The following CDIN1 variants were observed in gnomAD, a reference collection of about 807,000 sequenced individuals.
CDIN1 encodes CDAN1-interacting nuclease 1.
A neutral mutation model predicts 45.3 loss-of-function variants in CDIN1; 33 were observed. That is an observed-to-expected ratio of 0.73 (90% CI 0.55 to 0.97). The LOEUF (loss-of-function observed/expected upper bound fraction) is 0.97, where lower values mean the gene tolerates loss of function less well. CDIN1 is among the 50% of genes least tolerant of loss of function. CDIN1 has a pLI of 0.00. For missense variants in CDIN1, 303 were observed against 339.4 expected, an observed-to-expected ratio of 0.89 and a Z score of 0.84; for synonymous variants, 118 against 124.4, an observed-to-expected ratio of 0.95 and a Z score of 0.34.
Position 36,772,506 on chromosome 15 carries a change from G to T in CDIN1, c.717-35818G>T, listed in dbSNP as rs115260413. On this transcript the variant is annotated intron_variant, in intron 10 of 10. Transcript: ENST00000566621. ...ATTAAATTCCCAAAGGACCTCCTCT[G>T]GTCTTGGGTAATAGCCCAGCCTCAG... Among the ~76,000 whole-genome samples the T allele has an allele frequency of 1.4e-3, 215 of 152,282 alleles. 1 individual carries two copies. The highest frequency in any genetic ancestry group is 4.6e-3 in the African/African-American group (191 of 41,560).
At chr15:36,665,535 C>T (rs1215435548) in intron 5 of CDIN1, among the ~76,000 whole-genome samples, 2 of 152,142 alleles carry the variant, frequency 1.3e-5, no homozygotes, top group African/African-American at 2.4e-5. Flanking sequence ...GCAAACTGAT[C>T]AGTGAACAGG....
chr15:36,643,789 A>G (rs1019726829), intron 1 of CDIN1, among the ~76,000 whole-genome samples: 1 of 152,180 alleles, frequency 6.6e-6, no homozygotes, highest in Non-Finnish European at 1.5e-5. Context: ...TCCAGTGACC[A>G]CTGTGCTACT....
chr15:36,580,842 T>C (rs1223489632), intron 1 of CDIN1, among the ~76,000 whole-genome samples: 1 of 152,250 alleles, frequency 6.6e-6, no homozygotes, highest in Non-Finnish European at 1.5e-5. Flanking sequence ...AGCATGGTTA[T>C]TCCTAATGGA....
At chr15:36,599,336 T>C (rs112005727) in intron 1 of CDIN1, among the ~76,000 whole-genome samples, 1 of 152,352 alleles carries the variant, frequency 6.6e-6, no homozygotes, top group African/African-American at 2.4e-5. Flanking sequence ...CCATTTGTTA[T>C]ATTTTAGTAT....
chr15:36,749,644 T>A (rs2053405209), intron 10 of CDIN1, among the ~76,000 whole-genome samples: 1 of 152,256 alleles, frequency 6.6e-6, no homozygotes, highest in South Asian at 2.1e-4. Context: ...GCATCAGTAA[T>A]TGAACAGTGG....
chr15:36,701,268 TA>T (rs1479324439), intron 8 of CDIN1, among the ~76,000 whole-genome samples: 3 of 152,242 alleles, frequency 2.0e-5, no homozygotes, highest in African/African-American at 7.2e-5. Flanking sequence ...AATTGAACCA[TA>T]AGCATTGTGA....
At chr15:36,737,333 C>G (rs2044066795) in intron 10 of CDIN1, among the ~76,000 whole-genome samples, 1 of 152,026 alleles carries the variant, frequency 6.6e-6, no homozygotes, top group South Asian at 2.1e-4. Flanking sequence ...CTATAGGTAA[C>G]AAATATTGCA....
At chr15:36,670,883 T>G (rs897988588) in intron 5 of CDIN1, among the ~76,000 whole-genome samples, 4 of 152,134 alleles carry the variant, frequency 2.6e-5, no homozygotes. Context: ...TTTAGACTTT[T>G]AGCATTTTTA....
chr15:36,807,177 T>G (rs2055256296), intron 10 of CDIN1, among the ~76,000 whole-genome samples: 1 of 152,214 alleles, frequency 6.6e-6, no homozygotes, highest in Admixed American at 6.5e-5. Flanking sequence ...AACTTGTCCC[T>G]GTGCATACAG....
At chr15:36,583,841 C>T (rs1179773599) in intron 1 of CDIN1, among the ~76,000 whole-genome samples, 1 of 152,014 alleles carries the variant, frequency 6.6e-6, no homozygotes, top group African/African-American at 2.4e-5. Context: ...ACAGTGAAAC[C>T]CCGTCTCTAC....
chr15:36,629,209 A>G (rs77307123), intron 1 of CDIN1, among the ~76,000 whole-genome samples: 3 of 152,300 alleles, frequency 2.0e-5, no homozygotes, highest in South Asian at 4.1e-4. Flanking sequence ...GTAATTTGTT[A>G]CAGTAACCAT....
At chr15:36,614,019 C>T in intron 1 of CDIN1, 1 of 1,294,468 alleles carries the variant, frequency 7.7e-7, no homozygotes, top group East Asian at 2.3e-5. Context: ...AAAAAGAAGA[C>T]AAATATGAGG....
At chr15:36,620,004 A>C (rs2140307353) in intron 1 of CDIN1, among the ~76,000 whole-genome samples, 1 of 152,228 alleles carries the variant, frequency 6.6e-6, no homozygotes, top group South Asian at 2.1e-4. Context: ...GTACTTGGAC[A>C]TGTGACTACT....
At chr15:36,735,858 A>G (rs1253428911) in intron 10 of CDIN1, among the ~76,000 whole-genome samples, 1 of 152,192 alleles carries the variant, frequency 6.6e-6, no homozygotes, top group South Asian at 2.1e-4. Flanking sequence ...TTTGCAAGTA[A>G]TAAACATTTG....
intron 10 of CDIN1, among the ~76,000 whole-genome samples, chr15:36,729,899 G>T (rs981618280): frequency 2.6e-5 from 4 of 152,142 alleles, no homozygotes; most frequent in African/African-American, 4.8e-5. Flanking sequence ...CCAGGCTCCT[G>T]TTGGTCAAAC....
chr15:36,632,881 C>A (rs2039738261), intron 1 of CDIN1, among the ~76,000 whole-genome samples: 1 of 152,188 alleles, frequency 6.6e-6, no homozygotes, highest in South Asian at 2.1e-4. Context: ...GAAGCCTGGT[C>A]TTGCAAGTGA....
rs192282189 is a variant in CDIN1, at chr15:36,613,871, G to T, written c.102-30407G>T. On this transcript the variant is annotated intron_variant, in intron 1 of 10. Transcript: ENST00000566621. The stretch of plus-strand genomic sequence containing the variant: ...GTATGAAGAGGTGGCTTGTAAGTGG[G>T]TGATCACTGAAGGAGACTTGGAACG... 1,495 of 1,579,148 alleles carry T rather than the reference G, an allele frequency of 9.5e-4. 15 individuals carry two copies. In the African/African-American group the frequency reaches 0.019, roughly 20 times the overall value.
intron 10 of CDIN1, among the ~76,000 whole-genome samples, chr15:36,765,056 TC>T (rs1276111048): frequency 2.2e-5 from 2 of 89,526 alleles, no homozygotes; most frequent in East Asian, 8.2e-4. Flanking sequence ...TATTTTTCTT[TC>T]TTTCTTTTTT....
chr15:36,627,942 ATTTT>A (rs35889540), intron 1 of CDIN1, among the ~76,000 whole-genome samples: 1 of 144,312 alleles, frequency 6.9e-6, no homozygotes, highest in Non-Finnish European at 1.5e-5. Flanking sequence ...GAGGCCTGTA[ATTTT>A]TTTTTTTTTT....
Sources: gnomAD v4.1 joint callset for allele counts (sites outside exome capture counted in the v4.1 genomes callset) on GRCh38, gnomAD v4.1.1 for gene constraint, MANE v1.5 for transcripts, NCBI Gene and HGNC (gene_info 2026-07-23, HGNC 2026-07-21) for gene names.